Variants in NUP205 observed in about 807,000 individuals in gnomAD.
NUP205 encodes nuclear pore complex protein Nup205.
In NUP205, 76 loss-of-function variants were observed where a neutral mutation model predicts 253.8. The observed-to-expected ratio is 0.30, with a 90% confidence interval of 0.25 to 0.36. The LOEUF is 0.36. Ranked by LOEUF, NUP205 falls within the 10% of genes least tolerant of loss-of-function variation. The pLI, the probability that NUP205 is intolerant of heterozygous loss-of-function variation, is 1.00. For missense variants in NUP205, 2,162 were observed against 2,425.5 expected (o/e 0.89, Z 2.28); for synonymous variants, 832 against 850.1 (o/e 0.98, Z 0.37).
rs4732134 is a variant in NUP205, at chr7:135,616,313, T to C, written c.3460+248T>C. ...AAATTGTCAGTGGAGTTTGTCATAC[T>C]GAGCCAGCATGACCTAAGCTATTTC... On this transcript the variant is annotated intron_variant, in intron 24 of 42. Transcript: ENST00000285968. Among the ~76,000 whole-genome samples, 62,159 of 152,040 alleles carry C rather than the reference T, an allele frequency of 0.41. 13,552 individuals are homozygous for C. The highest frequency in any genetic ancestry group is 0.6 in the Middle Eastern group (175 of 294).
At position 135,570,052 on chromosome 7, in the gene NUP205, TAGAGAGAGAGAGAG is replaced by T. The variant is rs373590569; in HGVS notation, c.29-1023_29-1010del. 8.5e-4 allele frequency among the ~76,000 whole-genome samples: 67 copies of T among 79,188 alleles called. 1 individual carries two copies. The highest frequency in any genetic ancestry group is 2.4e-3 in the African/African-American group (46 of 19,120). 52.0% of individuals were successfully genotyped at this position (79,188 alleles called of 152,430 possible). ...TTTTATATATATATATATATATATA[TAGAGAGAGAGAGAG>T]AGAGAGAGAGAGAGAGAGAGAGAGA... On this transcript the variant is annotated intron_variant, in intron 1 of 42. Transcript: ENST00000285968.
intron 1 of NUP205, among the ~76,000 whole-genome samples, chr7:135,568,784 CT>C (rs1398418681): frequency 6.6e-6 from 1 of 152,224 alleles, no homozygotes; most frequent in Non-Finnish European, 1.5e-5. Flanking sequence ...CTCTTTCATG[CT>C]TTCACACCTG....
Position 135,587,903 on chromosome 7 carries a change from G to A in NUP205, c.1384G>A (p.Glu462Lys). ...KNPFHLELAL[E>K]YWCPTEPLQT... is the part of the protein sequence containing the mutation. ...CCCTTTTCATCTGGAGCTTGCTCTA[G>A]AATATTGGTGTCCCACAGAGCCTCT... The change falls in exon 10 of 43, where the codon GAA becomes AAA. Residue 462 changes from glutamate to lysine, a missense_variant. Glu to Lys is a moderately conservative substitution (Grantham distance 56). Around this residue, in one of 5 missense-constraint regions of NUP205, gnomAD observed 892 missense variants for 957.1 expected, o/e 0.93. Transcript: ENST00000285968. 1 of 1,613,974 alleles carries A rather than the reference G, an allele frequency of 6.2e-7. No individual in the cohort carries two copies. Among genetic ancestry groups the A allele is most frequent in the Non-Finnish European group, 8.5e-7 (1 of 1,179,936 alleles).
rs1794587385 is a variant in NUP205, at chr7:135,626,296, A to G, written c.4728A>G (p.Ser1576=). Residue 1576 remains serine, a synonymous_variant, in exon 33 of 43, where the codon TCA becomes TCG. Transcript: ENST00000285968. ...IQQGALELLR[S]GVIVRLAQCQ... ...AGGGTGCATTAGAGCTGCTAAGATCAGGGGTGATTGTGAGACTAGCTCAAT... is the reference window on the plus strand; with the variant it reads ...AGGGTGCATTAGAGCTGCTAAGATCGGGGGTGATTGTGAGACTAGCTCAAT... The G allele has an allele frequency of 1.2e-6, 2 of 1,614,174 alleles. No individual in the cohort carries two copies. Among genetic ancestry groups the G allele is most frequent in the Non-Finnish European group, 1.7e-6 (2 of 1,179,996 alleles).
At chr7:135,618,378 G>T in intron 27 of NUP205, 34 bp from the exon 28 acceptor site, 2 of 1,584,090 alleles carry the variant, frequency 1.3e-6, no homozygotes, top group Non-Finnish European at 1.7e-6. Context: ...TTATTTGCCT[G>T]TTTAACCTTG....
chr7:135,600,286 T>C (rs930110961), intron 15 of NUP205, among the ~76,000 whole-genome samples: 1 of 152,184 alleles, frequency 6.6e-6, no homozygotes, highest in Non-Finnish European at 1.5e-5. Context: ...ATGGGAATAT[T>C]TGGGGCAAGC....
In NUP205 at chr7:135,573,808, T is replaced by C. The variant is rs1231675608; in HGVS notation, c.326T>C (p.Val109Ala). Residue 109 changes from valine (V) to alanine (A), a missense_variant, in exon 3 of 43, where the codon GTT (valine) becomes GCT (alanine). By Grantham distance (64) the Val-to-Ala change is moderately conservative (BLOSUM62 0). Transcript: ENST00000285968. ...DLFDIGELAA[V>A]ELLLAGEHQQ... ...TTTGATATTGGAGAATTGGCAGCTG[T>C]TGAGCTTCTTCTTGCTGGTAGGTTG... 6.2e-7 allele frequency: 1 copy of C among 1,610,402 alleles called. No homozygotes were observed. The highest frequency in any genetic ancestry group is 2.2e-5 in the East Asian group (1 of 44,868).
chr7:135,642,843 G>GGTGTGTGTGTGTGTGT (rs57007288), intron 38 of NUP205, among the ~76,000 whole-genome samples: 31 of 144,896 alleles, frequency 2.1e-4, no homozygotes, highest in African/African-American at 7.2e-4. Flanking sequence ...GATGTGGAGG[G>GGTGTGTGTGTGTGTGT]GTGTGTGTGT....
chr7:135,639,403 A>T (rs894791062), intron 38 of NUP205, among the ~76,000 whole-genome samples: 1 of 152,224 alleles, frequency 6.6e-6, no homozygotes, highest in South Asian at 2.1e-4. Context: ...AAAGTATATT[A>T]GTGGCCGGGT....
intron 7 of NUP205, among the ~76,000 whole-genome samples, chr7:135,581,392 A>G (rs1563115087): frequency 6.6e-6 from 1 of 152,020 alleles, no homozygotes; most frequent in Non-Finnish European, 1.5e-5. Flanking sequence ...AAAAATTAAA[A>G]ATTAGCCCAG....
intron 34 of NUP205, among the ~76,000 whole-genome samples, chr7:135,629,340 G>A (rs553117677): frequency 6.6e-6 from 1 of 152,036 alleles, no homozygotes; most frequent in South Asian, 2.1e-4. Context: ...TTTTTTAACC[G>A]CATCAAAAGG....
At chr7:135,599,226 A>G (rs747177808) in intron 15 of NUP205, among the ~76,000 whole-genome samples, 2 of 152,056 alleles carry the variant, frequency 1.3e-5, no homozygotes, top group African/African-American at 2.4e-5. Context: ...ATGTCCTAAG[A>G]TATTCTTTGA....
At position 135,579,184 on chromosome 7, in the gene NUP205, C is replaced by T. The variant is rs57264139; in HGVS notation, c.1042+269C>T. Among the ~76,000 whole-genome samples the T allele has an allele frequency of 0.042, 6,413 of 151,036 alleles. 471 individuals are homozygous for T. Among genetic ancestry groups the T allele is most frequent in the African/African-American group, 0.15 (6,063 of 41,038 alleles). On this transcript the variant is annotated intron_variant, in intron 7 of 42. Transcript: ENST00000285968. ...GGTATGAGTTTAAAATTTGGAATGACAGTGTCACATTAATTTTTTTTTTTT... is the reference window on the plus strand; with the variant it reads ...GGTATGAGTTTAAAATTTGGAATGATAGTGTCACATTAATTTTTTTTTTTT...
chr7:135,562,728 A>G (rs984840219), intron 1 of NUP205, among the ~76,000 whole-genome samples: 4 of 151,472 alleles, frequency 2.6e-5, no homozygotes, highest in Non-Finnish European at 5.9e-5. Context: ...TTGTATTTTT[A>G]GTAGAGCAGG....
intron 32 of NUP205, among the ~76,000 whole-genome samples, chr7:135,625,998 C>T (rs1406717787): frequency 6.6e-6 from 1 of 152,132 alleles, no homozygotes; most frequent in Non-Finnish European, 1.5e-5. Flanking sequence ...ATAACAGGAC[C>T]CACACTGTAA....
At chr7:135,599,196 G>A (rs895766814) in intron 15 of NUP205, among the ~76,000 whole-genome samples, 9 of 151,976 alleles carry the variant, frequency 5.9e-5, no homozygotes, top group African/African-American at 2.2e-4. Flanking sequence ...TTGTCACTTA[G>A]CATCATGGGG....
Position 135,577,710 on chromosome 7 carries a change from C to T in NUP205, c.649-86C>T, listed in dbSNP as rs568667092. The T allele has an allele frequency of 1.0e-5, 10 of 960,436 alleles. No homozygotes were observed. In the African/African-American group the frequency reaches 1.5e-4, roughly 14 times the overall value. 59.5% of individuals were successfully genotyped at this position (960,436 alleles called of 1,614,324 possible). On this transcript the variant is annotated intron_variant, in intron 5 of 42. Coordinates refer to ENST00000285968, the MANE Select transcript of NUP205 (RefSeq NM_015135.3). ...GGATTTTGATAGGTTTTTTTATTAG[C>T]CTTTGTAAAAGGTAGTTTGTACTTT...
In NUP205 at chr7:135,618,755, A is replaced by G. The variant is rs1255983164; in HGVS notation, c.3963+152A>G. ...AAGACTTTCCTTGAGAAAGGGATTAATTCTGTACAGTAGTGGCTCTCAACC... is the reference window on the plus strand; with the variant it reads ...AAGACTTTCCTTGAGAAAGGGATTAGTTCTGTACAGTAGTGGCTCTCAACC... On this transcript the variant is annotated intron_variant, in intron 28 of 42. Transcript: ENST00000285968. 3 of 656,550 alleles carry G rather than the reference A, an allele frequency of 4.6e-6. No homozygotes were observed. The East Asian group carries it at 8.3e-5, about 18-fold the overall frequency. The allele number at this position is 656,550 out of a possible 1,614,324, so 40.7% of individuals were successfully genotyped here.
chr7:135,625,227 T>C lies in NUP205; in HGVS notation c.4543T>C (p.Tyr1515His). The C allele has an allele frequency of 1.3e-5, 21 of 1,614,138 alleles. No homozygotes were observed. Among genetic ancestry groups the C allele is most frequent in the Non-Finnish European group, 1.7e-5 (20 of 1,180,016 alleles). ...GGATAAACAGCAGCAGTGGCTTTTGTATCTTTCTAACAGTGGCTACTTGAA... is the reference window on the plus strand; with the variant it reads ...GGATAAACAGCAGCAGTGGCTTTTGCATCTTTCTAACAGTGGCTACTTGAA... ...SVDKQQQWLL[Y>H]LSNSGYLKVL... The change falls in exon 32 of 43, where the codon TAT becomes CAT. Residue 1515 changes from tyrosine to histidine, a missense_variant. Transcript: ENST00000285968.
Sources: gnomAD v4.1 joint callset for allele counts (sites outside exome capture counted in the v4.1 genomes callset) on GRCh38, gnomAD v4.1.1 for gene constraint, gnomAD v4.1.1 regional missense constraint, MANE v1.5 for transcripts, NCBI Gene and HGNC (gene_info 2026-07-23, HGNC 2026-07-21) for gene names.